Variants in ZFP64 observed in about 807,000 individuals in gnomAD.
The protein encoded by ZFP64 is ZFP64 zinc finger protein.
ZFP64 carries 14 observed loss-of-function variants against 51.6 expected under a neutral mutation model. The ratio of observed to expected loss-of-function variants is 0.27; its 90% CI spans 0.18 to 0.42. ZFP64 has a LOEUF of 0.42. Ranked by LOEUF, ZFP64 falls within the 10% of genes least tolerant of loss-of-function variation. ZFP64 has a pLI of 1.00. For synonymous variants in ZFP64, 375 were observed against 361.4 expected (o/e 1.04, Z -0.43); for missense variants, 754 against 906.8 (o/e 0.83, Z 2.16).
At chr20:52,102,290 A>T (rs2079061516) in intron 5 of ZFP64, among the ~76,000 whole-genome samples, 1 of 152,070 alleles carries the variant, frequency 6.6e-6, no homozygotes, top group Non-Finnish European at 1.5e-5. Context: ...AGGCTACTTA[A>T]AACACAGGTG....
intron 2 of ZFP64, among the ~76,000 whole-genome samples, chr20:52,179,248 C>A (rs760781559): frequency 4.6e-5 from 7 of 152,180 alleles, no homozygotes; most frequent in Admixed American, 6.5e-5. Context: ...TGTGAGACCT[C>A]CCCAGCCATG....
chr20:52,167,330 A>G (rs1982357044), intron 2 of ZFP64, among the ~76,000 whole-genome samples: 1 of 152,118 alleles, frequency 6.6e-6, no homozygotes, highest in Non-Finnish European at 1.5e-5. Context: ...TGTCTCAAAA[A>G]AAATAAAAAA....
intron 5 of ZFP64, among the ~76,000 whole-genome samples, chr20:52,098,869 G>C (rs977884811): frequency 1.4e-4 from 22 of 151,988 alleles, no homozygotes; most frequent in African/African-American, 5.3e-4. Context: ...AGGCATGGTG[G>C]TATGTGCCTG....
intron 5 of ZFP64, among the ~76,000 whole-genome samples, chr20:52,123,922 TGCAGTG>T (rs1169561971): frequency 6.6e-6 from 1 of 151,990 alleles, no homozygotes; most frequent in Non-Finnish European, 1.5e-5. Flanking sequence ...CAGGCTCAAG[TGCAGTG>T]GCCTTATCTC....
At chr20:52,116,668 TACATACACATATATAC>T (rs970743167) in intron 5 of ZFP64, among the ~76,000 whole-genome samples, 13 of 152,192 alleles carry the variant, frequency 8.5e-5, no homozygotes, top group African/African-American at 2.7e-4. Context: ...GGCATATGTG[TACATACACATATATAC>T]ACATACACAT....
chr20:52,098,516 G>A (rs1379804126), exon 6 of ZFP64: 7 of 1,614,144 alleles, frequency 4.3e-6, no homozygotes, highest in East Asian at 2.2e-5. Flanking sequence ...GTGATGACAG[G>A]GGCCTTCGGA....
intron 5 of ZFP64, among the ~76,000 whole-genome samples, chr20:52,103,690 C>T (rs963178107): frequency 2.6e-5 from 4 of 152,210 alleles, no homozygotes; most frequent in African/African-American, 9.6e-5. Context: ...TCCCCAGTAC[C>T]TCCCCAACTT....
intron 5 of ZFP64, among the ~76,000 whole-genome samples, chr20:52,129,061 G>A (rs1032230290): frequency 1.7e-4 from 25 of 148,038 alleles, no homozygotes; most frequent in Non-Finnish European, 2.5e-4. Context: ...TTACAGGCGC[G>A]CACCACCACT....
At chr20:52,122,769 G>A (rs1437116018) in intron 5 of ZFP64, among the ~76,000 whole-genome samples, 1 of 152,104 alleles carries the variant, frequency 6.6e-6, no homozygotes, top group Non-Finnish European at 1.5e-5. Context: ...GGTAGAGATA[G>A]CAAGAGAACT....
chr20:52,125,141 GC>G (rs1046489756), intron 5 of ZFP64, among the ~76,000 whole-genome samples: 27 of 152,302 alleles, frequency 1.8e-4, no homozygotes, highest in Admixed American at 1.8e-3. Context: ...CACAAATTCT[GC>G]CCAACTGGAC....
chr20:52,105,256 C>T, intron 5 of ZFP64: 1 of 1,330,144 alleles, frequency 7.5e-7, no homozygotes, highest in Middle Eastern at 1.9e-4. Context: ...GACCGGGCTC[C>T]CCGCGCGTCC....
chr20:52,174,378 C>T (rs1983003330), intron 2 of ZFP64, among the ~76,000 whole-genome samples: 1 of 147,764 alleles, frequency 6.8e-6, no homozygotes, highest in African/African-American at 2.5e-5. Flanking sequence ...CCCAGCTACT[C>T]GGGAGGCTGA....
intron 7 of ZFP64, among the ~76,000 whole-genome samples, chr20:52,093,145 T>A (rs1389671868): frequency 6.7e-6 from 1 of 149,486 alleles, no homozygotes; most frequent in African/African-American, 2.5e-5. Context: ...AAAAAAAAAT[T>A]TTTTTTTTTT....
chr20:52,111,020 C>T (rs1342907515), intron 5 of ZFP64: 8 of 1,456,686 alleles, frequency 5.5e-6, no homozygotes, highest in Middle Eastern at 1.7e-4. Context: ...AGGGGAAGGG[C>T]GCGCTTGGTG....
At chr20:52,086,713 C>T (rs1435600156) in intron 8 of ZFP64, among the ~76,000 whole-genome samples, 1 of 152,026 alleles carries the variant, frequency 6.6e-6, no homozygotes, top group Non-Finnish European at 1.5e-5. Context: ...CTCCTGACCT[C>T]GTGATCTGCC....
intron 5 of ZFP64, among the ~76,000 whole-genome samples, chr20:52,122,303 G>C (rs943176514): frequency 6.6e-6 from 1 of 152,022 alleles, no homozygotes. Context: ...TCAGGAGATC[G>C]AGACCATTCT....
chr20:52,165,343 G>A, intron 3 of ZFP64: 1 of 455,834 alleles, frequency 2.2e-6, no homozygotes, highest in South Asian at 1.6e-5. Context: ...GAATAAAGGG[G>A]CATCACATTG....
At chr20:52,119,576 A>AACACACACAC (rs138828393) in intron 5 of ZFP64, among the ~76,000 whole-genome samples, 6,544 of 132,462 alleles carry the variant, frequency 0.049, 204 homozygotes, top group Admixed American at 0.09. Context: ...ATACACACAC[A>AACACACACAC]ACACACACAC....
At chr20:52,139,264 T>C (rs1451482722) in intron 5 of ZFP64, among the ~76,000 whole-genome samples, 3 of 152,186 alleles carry the variant, frequency 2.0e-5, no homozygotes, top group African/African-American at 7.2e-5. Context: ...TAGATGCCCA[T>C]CAATGGTGGG....
Sources: allele counts gnomAD v4.1 joint callset (sites outside exome capture counted in the v4.1 genomes callset), GRCh38; gene constraint gnomAD v4.1.1; transcripts MANE v1.5; gene names NCBI Gene and HGNC (gene_info 2026-07-23, HGNC 2026-07-21).